The following CTNNA3 variants were observed in gnomAD, a reference collection of about 807,000 sequenced individuals.
CTNNA3 encodes the protein catenin alpha 3, also known as catenin alpha-3.
Under a neutral mutation model 95.7 loss-of-function variants are expected in CTNNA3, and 76 were observed. That is an observed-to-expected ratio of 0.79 (90% CI 0.66 to 0.96). CTNNA3 has a LOEUF of 0.96. Among genes scored for constraint, CTNNA3 ranks in the 40% least tolerant of loss-of-function variants. The probability of loss-of-function intolerance (pLI) is 0.00; values close to 1 mark genes in which losing one functional copy is unlikely to be tolerated. For synonymous variants in CTNNA3, 431 were observed against 374.4 expected, an observed-to-expected ratio of 1.15 and a Z score of -1.74; for missense variants, 1,191 against 1,089.8, an observed-to-expected ratio of 1.09 and a Z score of -1.31.
At chr10:67,373,216 T>A (rs1843551446) in intron 5 of CTNNA3, among the ~76,000 whole-genome samples, 1 of 152,094 alleles carries the variant, frequency 6.6e-6, no homozygotes. Flanking sequence ...CAGAGTGCTG[T>A]ATTCAGGAAA....
At chr10:66,823,562 G>A (rs1842377068) in intron 7 of CTNNA3, among the ~76,000 whole-genome samples, 1 of 152,280 alleles carries the variant, frequency 6.6e-6, no homozygotes, top group South Asian at 2.1e-4. Flanking sequence ...AAGGCAGTGA[G>A]GAGAGTCGGA....
intron 5 of CTNNA3, among the ~76,000 whole-genome samples, chr10:67,379,118 C>T (rs988015652): frequency 5.9e-5 from 9 of 152,198 alleles, no homozygotes; most frequent in Non-Finnish European, 1.0e-4. Flanking sequence ...GAAAATACTA[C>T]ATATGTCTTA....
chr10:67,139,099 C>A (rs1860425391), intron 7 of CTNNA3, among the ~76,000 whole-genome samples: 1 of 151,984 alleles, frequency 6.6e-6, no homozygotes, highest in African/African-American at 2.4e-5. Context: ...TATACTTTTT[C>A]ACAATATTTC....
At chr10:67,431,602 C>CA (rs1564645028) in intron 5 of CTNNA3, among the ~76,000 whole-genome samples, 3 of 151,888 alleles carry the variant, frequency 2.0e-5, no homozygotes, top group African/African-American at 7.2e-5. Context: ...CAAGAAGATG[C>CA]AGCCTGAAGG....
chr10:66,417,048 C>T (rs1037256602), intron 11 of CTNNA3, among the ~76,000 whole-genome samples: 1 of 151,868 alleles, frequency 6.6e-6, no homozygotes, highest in Non-Finnish European at 1.5e-5. Context: ...TCAATAATTA[C>T]TTTGAACATA....
chr10:66,999,579 G>A (rs150694566), intron 7 of CTNNA3, among the ~76,000 whole-genome samples: 2 of 152,010 alleles, frequency 1.3e-5, no homozygotes, highest in Non-Finnish European at 2.9e-5. Context: ...ATCCCTTTTA[G>A]GTCACAAAAG....
intron 11 of CTNNA3, among the ~76,000 whole-genome samples, chr10:66,476,885 A>T (rs1839345583): frequency 6.6e-6 from 1 of 152,074 alleles, no homozygotes; most frequent in African/African-American, 2.4e-5. Context: ...TTGGTGTCAA[A>T]TTAGCAAGAA....
chr10:66,893,445 A>C (rs1346014576), intron 7 of CTNNA3, among the ~76,000 whole-genome samples: 2 of 152,046 alleles, frequency 1.3e-5, no homozygotes, highest in Non-Finnish European at 2.9e-5. Context: ...GAGAATTGCC[A>C]ATAAAAGAAA....
chr10:66,180,441 T>C (rs1241150071), intron 13 of CTNNA3, among the ~76,000 whole-genome samples: 1 of 152,188 alleles, frequency 6.6e-6, no homozygotes, highest in African/African-American at 2.4e-5. Flanking sequence ...GTAGCTCTAA[T>C]TGATTCTCCG....
chr10:66,298,625 A>G (rs1211419277), intron 12 of CTNNA3, among the ~76,000 whole-genome samples: 1 of 151,978 alleles, frequency 6.6e-6, no homozygotes, highest in Non-Finnish European at 1.5e-5. Flanking sequence ...TGGATATTTT[A>G]TTGGGAGACG....
intron 5 of CTNNA3, among the ~76,000 whole-genome samples, chr10:67,506,344 G>A (rs538558880): frequency 2.6e-5 from 4 of 152,234 alleles, no homozygotes; most frequent in Admixed American, 2.0e-4. Context: ...CACATTTGGA[G>A]CATGAGATAG....
At chr10:66,076,063 A>G (rs962507925) in intron 14 of CTNNA3, among the ~76,000 whole-genome samples, 16 of 151,616 alleles carry the variant, frequency 1.1e-4, no homozygotes, top group African/African-American at 3.9e-4. Flanking sequence ...AGAACTCAAC[A>G]TTCAAAATAA....
intron 7 of CTNNA3, among the ~76,000 whole-genome samples, chr10:66,806,731 T>C (rs1450406617): frequency 6.7e-6 from 1 of 149,062 alleles, no homozygotes; most frequent in Non-Finnish European, 1.5e-5. Context: ...TATATCCATC[T>C]ATATTTATAG....
At chr10:66,735,840 C>G (rs1849117024) in intron 9 of CTNNA3, among the ~76,000 whole-genome samples, 1 of 152,148 alleles carries the variant, frequency 6.6e-6, no homozygotes, top group Admixed American at 6.5e-5. Flanking sequence ...CTCCACTGAC[C>G]TAGGCCTGAC....
At chr10:66,632,555 CAAAA>C (rs10559608) in intron 9 of CTNNA3, among the ~76,000 whole-genome samples, 20,437 of 100,806 alleles carry the variant, frequency 0.2, 1,424 homozygotes, top group East Asian at 0.41. Flanking sequence ...AACTCCATCT[CAAAA>C]AAAAAAAAAA....
chr10:65,977,927 C>T lies in CTNNA3; in HGVS notation c.2265+10765G>A, dbSNP rs940134719. Among the ~76,000 whole-genome samples, 6 of 152,074 alleles carry T rather than the reference C, an allele frequency of 3.9e-5. No homozygotes were observed. The East Asian group carries it at 5.8e-4, about 15-fold the overall frequency. ...GAATTTCAAAAATAGGAATTTAAAGCGATCAGTGGTAGCAAAAGCACTTGG... is the reference window on the plus strand; with the variant it reads ...GAATTTCAAAAATAGGAATTTAAAGTGATCAGTGGTAGCAAAAGCACTTGG... On this transcript the variant is annotated intron_variant, in intron 16 of 17. Coordinates refer to ENST00000433211, the MANE Select transcript of CTNNA3 (RefSeq NM_013266.4).
chr10:67,563,495 G>GA (rs769651359), intron 3 of CTNNA3, among the ~76,000 whole-genome samples: 7 of 152,182 alleles, frequency 4.6e-5, no homozygotes, highest in East Asian at 3.9e-4. Flanking sequence ...ATTAATTCAA[G>GA]ATGGATTAAA....
intron 4 of CTNNA3, among the ~76,000 whole-genome samples, chr10:67,533,534 G>T (rs1840400403): frequency 6.6e-6 from 1 of 152,088 alleles, no homozygotes; most frequent in Non-Finnish European, 1.5e-5. Flanking sequence ...TGAAATATCA[G>T]CACTTTTTTC....
At chr10:66,116,619 A>C (rs2082351041) in intron 13 of CTNNA3, among the ~76,000 whole-genome samples, 1 of 152,188 alleles carries the variant, frequency 6.6e-6, no homozygotes, top group African/African-American at 2.4e-5. Flanking sequence ...AAAGAAGCTA[A>C]ATAAAAACAC....
Sources: gnomAD v4.1 joint callset for allele counts (sites outside exome capture counted in the v4.1 genomes callset) on GRCh38, gnomAD v4.1.1 for gene constraint, MANE v1.5 for transcripts, NCBI Gene and HGNC (gene_info 2026-07-23, HGNC 2026-07-21) for gene names.